SLC16A9: variants seen among roughly 807,000 people sequenced by gnomAD.
SLC16A9 encodes the protein monocarboxylate transporter 9.
SLC16A9 carries 26 observed loss-of-function variants against 44.3 expected under a neutral mutation model. The ratio of observed to expected loss-of-function variants is 0.59; its 90% CI spans 0.43 to 0.81. The LOEUF (loss-of-function observed/expected upper bound fraction) is 0.81, where lower values mean the gene tolerates loss of function less well. Ranked by LOEUF, SLC16A9 falls within the 40% of genes least tolerant of loss-of-function variation. The pLI is 0.00. For missense variants in SLC16A9, 559 were observed against 595.8 expected (o/e 0.94, Z 0.64); for synonymous variants, 230 against 225.1 (o/e 1.02, Z -0.19).
chr10:59,705,135 C>T (rs1478461618), intron 1 of SLC16A9, among the ~76,000 whole-genome samples: 1 of 151,610 alleles, frequency 6.6e-6, no homozygotes, highest in Non-Finnish European at 1.5e-5. Flanking sequence ...TTAAGAGTTT[C>T]TTTTGGGTGG....
intron 3 of SLC16A9, among the ~76,000 whole-genome samples, chr10:59,666,220 A>G (rs1839612522): frequency 6.6e-6 from 1 of 151,002 alleles, no homozygotes; most frequent in African/African-American, 2.4e-5. Flanking sequence ...AATCACTTGA[A>G]CCCTGGAGGT....
intron 4 of SLC16A9, among the ~76,000 whole-genome samples, chr10:59,658,334 G>C (rs1408223458): frequency 7.0e-6 from 1 of 142,608 alleles, no homozygotes; most frequent in East Asian, 2.1e-4. Context: ...ACCTGAGACA[G>C]ACTCTCATGG....
intron 3 of SLC16A9, among the ~76,000 whole-genome samples, chr10:59,667,045 T>C (rs1430310419): frequency 3.3e-5 from 5 of 151,858 alleles, no homozygotes; most frequent in Admixed American, 2.7e-4. Context: ...ACTCAGCAAA[T>C]TGATATTTTT....
Position 59,653,816 on chromosome 10 carries a change from T to C in SLC16A9, c.1210A>G (p.Ile404Val), listed in dbSNP as rs1839275705. The C allele has an allele frequency of 6.2e-7, 1 of 1,614,010 alleles. No homozygotes were observed. The highest frequency in any genetic ancestry group is 1.7e-5 in the Admixed American group (1 of 59,990). The change falls in exon 5 of 6, where the codon ATC becomes GTC. Residue 404 changes from isoleucine (I) to valine (V), a missense_variant. Coordinates refer to ENST00000395348, the MANE Select transcript of SLC16A9 (RefSeq NM_194298.3). ...CAATTACCAGTAAGAAACCCTAGGA[T>C]CCCAGAAAGCAACGCCAATGTGACA... ...SYVTLALLSG[I>V]LGFLTGNWSI... is the part of the protein sequence containing the mutation.
At chr10:59,677,664 C>G (rs1839889590) in intron 2 of SLC16A9, among the ~76,000 whole-genome samples, 1 of 152,086 alleles carries the variant, frequency 6.6e-6, no homozygotes, top group Non-Finnish European at 1.5e-5. Flanking sequence ...GAAGAAAAAC[C>G]AAGGCCACAG....
At chr10:59,708,296 A>C (rs1163300945) in intron 1 of SLC16A9, among the ~76,000 whole-genome samples, 1 of 152,206 alleles carries the variant, frequency 6.6e-6, no homozygotes, top group Non-Finnish European at 1.5e-5. Flanking sequence ...TCCTATTAGA[A>C]GTTTTAAAAG....
At chr10:59,708,195 T>C (rs1473303052) in intron 1 of SLC16A9, among the ~76,000 whole-genome samples, 1 of 152,216 alleles carries the variant, frequency 6.6e-6, no homozygotes, top group Non-Finnish European at 1.5e-5. Context: ...CTAACCATGT[T>C]TTCTGCATTT....
intron 4 of SLC16A9, among the ~76,000 whole-genome samples, chr10:59,661,834 A>G: frequency 1.3e-5 from 2 of 151,396 alleles, no homozygotes; most frequent in East Asian, 2.0e-4. Context: ...AACACCACAC[A>G]TATACAACCA....
At chr10:59,676,213 C>T (rs926685217) in intron 2 of SLC16A9, among the ~76,000 whole-genome samples, 1 of 152,152 alleles carries the variant, frequency 6.6e-6, no homozygotes. Flanking sequence ...ATCCTTAGAA[C>T]CTGGGTTTAT....
chr10:59,673,361 T>C (rs1362165408), intron 2 of SLC16A9, among the ~76,000 whole-genome samples: 1 of 152,214 alleles, frequency 6.6e-6, no homozygotes, highest in East Asian at 1.9e-4. Context: ...CCTGGAATTG[T>C]TCTACATGTA....
chr10:59,679,047 C>T (rs1839929565), intron 2 of SLC16A9, among the ~76,000 whole-genome samples: 2 of 152,090 alleles, frequency 1.3e-5, no homozygotes, highest in South Asian at 4.2e-4. Flanking sequence ...CGTTTACTGA[C>T]TCGTATTATG....
chr10:59,689,608 G>A (rs1020215645), intron 1 of SLC16A9, among the ~76,000 whole-genome samples: 3 of 152,154 alleles, frequency 2.0e-5, no homozygotes, highest in Admixed American at 6.5e-5. Context: ...GTCCTACTAC[G>A]TTGACCTCCT....
chr10:59,699,563 C>T (rs1330289006), intron 1 of SLC16A9, among the ~76,000 whole-genome samples: 1 of 152,152 alleles, frequency 6.6e-6, no homozygotes, highest in Non-Finnish European at 1.5e-5. Context: ...TCTTTTTCTT[C>T]ATCTGAAAAG....
intron 1 of SLC16A9, among the ~76,000 whole-genome samples, chr10:59,700,667 C>T (rs1840502860): frequency 6.6e-6 from 1 of 152,172 alleles, no homozygotes; most frequent in Non-Finnish European, 1.5e-5. Context: ...TTGCATCTTT[C>T]AAAGGTTTTC....
Position 59,654,316 on chromosome 10 carries a change from T to A in SLC16A9, c.710A>T (p.Lys237Ile), listed in dbSNP as rs769876769. 1 of 1,614,188 alleles carries A rather than the reference T, an allele frequency of 6.2e-7. No homozygotes were observed. Among genetic ancestry groups the A allele is most frequent in the South Asian group, 1.1e-5 (1 of 91,088 alleles). ...ILDKSYSSEE[K>I]CRITLANGDW... ...ACCATTGGCTAACGTGATCCTGCAT[T>A]TTTCCTCACTACTGTAGCTCTTGTC... is the stretch of plus-strand genomic sequence containing the variant. The change falls in exon 5 of 6, where the codon AAA (lysine) becomes ATA (isoleucine). Residue 237 changes from lysine to isoleucine, a missense_variant. Lys to Ile is a moderately radical substitution (Grantham distance 102). Coordinates refer to ENST00000395348, the MANE Select transcript of SLC16A9 (RefSeq NM_194298.3).
intron 2 of SLC16A9, among the ~76,000 whole-genome samples, chr10:59,680,967 A>G (rs1360948232): frequency 6.8e-6 from 1 of 146,334 alleles, no homozygotes; most frequent in Non-Finnish European, 1.5e-5. Flanking sequence ...TGGGTGACAG[A>G]GCAAGACCCA....
intron 3 of SLC16A9, among the ~76,000 whole-genome samples, chr10:59,669,210 G>A (rs1297835617): frequency 6.6e-6 from 1 of 152,162 alleles, no homozygotes; most frequent in Non-Finnish European, 1.5e-5. Flanking sequence ...ATTAGAAAGA[G>A]GCTTGAGCAA....
At chr10:59,707,020 A>T (rs1310208990) in intron 1 of SLC16A9, among the ~76,000 whole-genome samples, 4 of 141,020 alleles carry the variant, frequency 2.8e-5, no homozygotes, top group African/African-American at 1.0e-4. Context: ...AAAAAAAGGG[A>T]AGTCAGCTGG....
intron 3 of SLC16A9, among the ~76,000 whole-genome samples, chr10:59,669,514 A>G (rs1293565839): frequency 6.6e-6 from 1 of 152,222 alleles, no homozygotes; most frequent in East Asian, 1.9e-4. Context: ...CTACAAAATC[A>G]GGTTTGAATG....
Sources: gnomAD v4.1 joint callset for allele counts (sites outside exome capture counted in the v4.1 genomes callset) on GRCh38, gnomAD v4.1.1 for gene constraint, MANE v1.5 for transcripts, NCBI Gene and HGNC (gene_info 2026-07-23, HGNC 2026-07-21) for gene names.